The following WDR25 variants were observed in gnomAD, a reference collection of about 807,000 sequenced individuals.
WDR25 encodes WD repeat-containing protein 25.
Under a neutral mutation model 47.7 loss-of-function variants are expected in WDR25, and 35 were observed. The observed-to-expected ratio is 0.73, with a 90% CI of 0.56 to 0.97. The LOEUF (loss-of-function observed/expected upper bound fraction) is 0.97, where lower values mean the gene tolerates loss of function less well. Among genes scored for constraint, WDR25 ranks in the 50% least tolerant of loss-of-function variants. The probability of loss-of-function intolerance (pLI) is 0.00; values close to 1 mark genes in which losing one functional copy is unlikely to be tolerated. For missense variants in WDR25, 634 were observed against 704.7 expected (o/e 0.90, Z 1.14); for synonymous variants, 248 against 278.9 (o/e 0.89, Z 1.10).
chr14:100,463,149 C>T (rs1005919567), intron 2 of WDR25, among the ~76,000 whole-genome samples: 9 of 150,854 alleles, frequency 6.0e-5, no homozygotes, highest in Non-Finnish European at 1.2e-4. Context: ...TCTCTCCTCT[C>T]CCCAATTCCT....
rs76596896 is a variant in WDR25 at position 100,470,840 on chromosome 14, G to A, written c.970+2672G>A. 2.3e-4 allele frequency among the ~76,000 whole-genome samples: 35 copies of A among 152,326 alleles called. No homozygotes were observed. In the East Asian group the frequency reaches 6.6e-3, roughly 29 times the overall value. On this transcript the variant is annotated intron_variant, in intron 3 of 6. Coordinates refer to ENST00000402312, the MANE Select transcript of WDR25 (RefSeq NM_001161476.3). ...TGGTGTGTTGGGTGTGTAAAGAAAA[G>A]CATGGCCCTGCCCCCAGGGCATTAC...
rs2029973564 is a variant in WDR25, at chr14:100,523,712, T to C, written c.1102-2158T>C. Among the ~76,000 whole-genome samples, 1 of 152,000 alleles carries C rather than the reference T, an allele frequency of 6.6e-6. No homozygotes were observed. The highest frequency in any genetic ancestry group is 2.4e-5 in the African/African-American group (1 of 41,382). On this transcript the variant is annotated intron_variant, in intron 4 of 6. Transcript: ENST00000402312. The surrounding 1 kb of genome is among the most constrained non-coding windows in gnomAD (Gnocchi z 4.7). ...GCTGGTGGGCCGAGTGGTGGGCAGA[T>C]TGTAGGGACATAACCCCTGCATGTG...
At position 100,525,860 on chromosome 14, in the gene WDR25, G is replaced by T. The variant is rs199686523; in HGVS notation, c.1102-10G>T. The T allele has an allele frequency of 5.0e-6, 8 of 1,612,730 alleles. No homozygotes were observed. Among genetic ancestry groups the T allele is most frequent in the East Asian group, 2.2e-5 (1 of 44,882 alleles). On this transcript the variant is annotated splice_polypyrimidine_tract_variant and intron_variant, in intron 4 of 6. Coordinates refer to ENST00000402312, the MANE Select transcript of WDR25 (RefSeq NM_001161476.3). The surrounding 1 kb of genome is among the most constrained non-coding windows in gnomAD (Gnocchi z 4.6). Reference sequence around the variant, plus strand: ...AGGCCTGCCAGCATGACCGGTGTCCGCTCTTGCAGGTGATGAGAAGCTACA... The same window carrying T: ...AGGCCTGCCAGCATGACCGGTGTCCTCTCTTGCAGGTGATGAGAAGCTACA...
chr14:100,443,839 G>T (rs1035759478), intron 2 of WDR25, among the ~76,000 whole-genome samples: 1 of 152,226 alleles, frequency 6.6e-6, no homozygotes, highest in Admixed American at 6.5e-5. Context: ...TGGAGCATGA[G>T]TAATAATAAT....
rs187205106 is a variant in WDR25 at position 100,380,475 on chromosome 14, T to C, written c.-15-435T>C. On this transcript the variant is annotated intron_variant, in intron 1 of 6. Coordinates refer to ENST00000402312, the MANE Select transcript of WDR25 (RefSeq NM_001161476.3). ...CTGATATGTAGAAAAGCCTTTTTTG[T>C]TTTTGTATTTATTCTTTTTCTTTCT... Among the ~76,000 whole-genome samples, 12 of 151,360 alleles carry C rather than the reference T, an allele frequency of 7.9e-5. No homozygotes were observed. The East Asian group carries it at 2.3e-3, about 29-fold the overall frequency.
chr14:100,529,952 C>T lies in WDR25; in HGVS notation c.1546C>T (p.Gln516Ter). Residue 516 changes from glutamine (Q) to a stop codon, truncating the protein, a stop_gained, in exon 7 of 7, where the codon CAG (glutamine) becomes TAG (stop). Coordinates refer to ENST00000402312, the MANE Select transcript of WDR25 (RefSeq NM_001161476.3). LOFTEE classifies it high-confidence loss of function. The surrounding 1 kb of genome is among the most constrained non-coding windows in gnomAD (Gnocchi z 5.1). ...AGCATGCACACTGCAGGGGCACACA[C>T]AGGCCTGTGTCGGCACCACCTATCA... ...SRACTLQGHT[Q>*]ACVGTTYHPV... is the part of the protein sequence containing the mutation. The T allele has an allele frequency of 6.2e-7, 1 of 1,613,582 alleles. No individual in the cohort carries two copies. The highest frequency in any genetic ancestry group is 1.3e-5 in the African/African-American group (1 of 75,068).
chr14:100,514,761 A>C (rs941638486), intron 4 of WDR25, among the ~76,000 whole-genome samples: 11 of 152,088 alleles, frequency 7.2e-5, no homozygotes, highest in Non-Finnish European at 1.5e-4. Flanking sequence ...TTTTAATAAT[A>C]AAAAGATATT....
At chr14:100,447,278 G>A (rs973964546) in intron 2 of WDR25, among the ~76,000 whole-genome samples, 5 of 152,160 alleles carry the variant, frequency 3.3e-5, no homozygotes, top group African/African-American at 1.2e-4. Flanking sequence ...TTAGACTTGG[G>A]GATTGTTTCT....
intron 4 of WDR25, among the ~76,000 whole-genome samples, chr14:100,493,271 TAGC>T (rs1425359939): frequency 6.6e-6 from 1 of 152,236 alleles, no homozygotes; most frequent in African/African-American, 2.4e-5. Flanking sequence ...CCACGTTTTT[TAGC>T]AGCCATGCCT....
At chr14:100,396,107 G>A (rs1897254104) in intron 2 of WDR25, among the ~76,000 whole-genome samples, 1 of 151,692 alleles carries the variant, frequency 6.6e-6, no homozygotes, top group African/African-American at 2.4e-5. Flanking sequence ...CTCCCGAGGA[G>A]CTGGGACTAC....
At position 100,425,217 on chromosome 14, in the gene WDR25, G is replaced by C. The variant is rs1435446608; in HGVS notation, c.823-42804G>C. On this transcript the variant is annotated intron_variant, in intron 2 of 6. Coordinates refer to ENST00000402312, the MANE Select transcript of WDR25 (RefSeq NM_001161476.3). The surrounding 1 kb of genome is among the most constrained non-coding windows in gnomAD (Gnocchi z 4.8). ...TCCTTGATGTGGGTCCTGGGTCCTT[G>C]GAGGCTGGTTGTGTCAGCCCTTCTC... Among the ~76,000 whole-genome samples, 1 of 152,198 alleles carries C rather than the reference G, an allele frequency of 6.6e-6. No individual in the cohort carries two copies.
intron 2 of WDR25, among the ~76,000 whole-genome samples, chr14:100,384,919 C>T (rs942246221): frequency 9.9e-5 from 15 of 152,224 alleles, no homozygotes; most frequent in African/African-American, 3.4e-4. Flanking sequence ...AGTTACCTCA[C>T]TTCTGAGCCT....
intron 1 of WDR25, among the ~76,000 whole-genome samples, chr14:100,377,292 A>AGTTGTTGTTGTTGTT (rs56705876): frequency 0.037 from 5,660 of 151,372 alleles, 156 homozygotes; most frequent in African/African-American, 0.072. Context: ...TGGCTTTAGA[A>AGTTGTTGTTGTTGTT]GTTGTTGTTG....
intron 4 of WDR25, among the ~76,000 whole-genome samples, chr14:100,517,716 C>G (rs768927046): frequency 6.6e-6 from 1 of 152,280 alleles, no homozygotes; most frequent in East Asian, 1.9e-4. Context: ...TGGTGGCACG[C>G]GCCTGTAGTC....
At chr14:100,395,218 GGAGTCTTATTTCGGT>G (rs1897231422) in intron 2 of WDR25, among the ~76,000 whole-genome samples, 1 of 152,150 alleles carries the variant, frequency 6.6e-6, no homozygotes, top group Admixed American at 6.5e-5. Flanking sequence ...CAGAGCTCAG[GGAGTCTTATTTCGGT>G]GTTCAGTCCC....
intron 2 of WDR25, among the ~76,000 whole-genome samples, chr14:100,442,181 G>C (rs376923271): frequency 6.6e-6 from 1 of 152,306 alleles, no homozygotes; most frequent in Middle Eastern, 3.4e-3. Flanking sequence ...TTATCACACT[G>C]CTCCTGGATG....
At chr14:100,423,844 A>G (rs1430917945) in intron 2 of WDR25, among the ~76,000 whole-genome samples, 3 of 152,208 alleles carry the variant, frequency 2.0e-5, no homozygotes, top group African/African-American at 7.2e-5. Context: ...GCAGGCACTC[A>G]GGAAGCAGCA....
chr14:100,415,543 C>A (rs531969067), intron 2 of WDR25, among the ~76,000 whole-genome samples: 57 of 152,298 alleles, frequency 3.7e-4, no homozygotes, highest in African/African-American at 1.3e-3. Flanking sequence ...CTATCTGGAA[C>A]AGATTTATTT....
At chr14:100,463,938 C>T (rs1288996307) in intron 2 of WDR25, among the ~76,000 whole-genome samples, 1 of 152,226 alleles carries the variant, frequency 6.6e-6, no homozygotes, top group African/African-American at 2.4e-5. Flanking sequence ...TCCTCTCTCC[C>T]TGGATTCTTG....
Sources: allele counts gnomAD v4.1 joint callset (sites outside exome capture counted in the v4.1 genomes callset), GRCh38; gene constraint gnomAD v4.1.1; non-coding constraint Gnocchi (gnomAD v3.1); transcripts MANE v1.5; gene names NCBI Gene and HGNC (gene_info 2026-07-23, HGNC 2026-07-21).